Variants in NHS observed in about 807,000 individuals in gnomAD.
The protein encoded by NHS is actin remodeling regulator NHS.
A neutral mutation model predicts 72.5 loss-of-function variants in NHS; 5 were observed. The observed-to-expected ratio is 0.07, with a 90% CI of 0.04 to 0.14. The LOEUF is 0.14. Among genes scored for constraint, NHS ranks in the 10% least tolerant of loss-of-function variants. NHS has a pLI of 1.00. For missense variants in NHS, 1,072 were observed against 1,355.7 expected, an observed-to-expected ratio of 0.79 and a Z score of 3.29; for synonymous variants, 464 against 547.7, an observed-to-expected ratio of 0.85 and a Z score of 2.13.
intron 1 of NHS, among the ~76,000 whole-genome samples, chrX:17,474,765 C>G (rs1286516616): frequency 9.0e-6 from 1 of 111,585 alleles, no homozygotes; most frequent in African/African-American, 3.3e-5. Flanking sequence ...GCTGTGAGCC[C>G]TCAGAAGCCA....
chrX:17,597,124 T>G (rs1297191147), intron 1 of NHS, among the ~76,000 whole-genome samples: 4 of 101,427 alleles, frequency 3.9e-5, no homozygotes, highest in Non-Finnish European at 6.1e-5. Flanking sequence ...CCGTTTTTTT[T>G]TTTTTTTTTT....
At chrX:17,659,208 G>C (rs2065971271) in intron 1 of NHS, among the ~76,000 whole-genome samples, 1 of 111,976 alleles carries the variant, frequency 8.9e-6, no homozygotes. Context: ...CAAGGGGACT[G>C]GGAAATCTAG....
Position 17,556,533 on chromosome X carries a change from T to C in NHS, c.566-131209T>C, listed in dbSNP as rs184292696. 7.1e-5 allele frequency among the ~76,000 whole-genome samples: 8 copies of C among 113,093 alleles called. No individual in the cohort carries two copies. The East Asian group carries it at 2.2e-3, about 31-fold the overall frequency. ...TACTCACCATGTACCTGGCTGTATGTTCATCATCATATGAAATCCTTACTT... is the reference window on the plus strand; with the variant it reads ...TACTCACCATGTACCTGGCTGTATGCTCATCATCATATGAAATCCTTACTT... On this transcript the variant is annotated intron_variant, in intron 1 of 8. Transcript: ENST00000676302.
intron 1 of NHS, among the ~76,000 whole-genome samples, chrX:17,409,939 A>G (rs1309637417): frequency 8.9e-6 from 1 of 111,860 alleles, no homozygotes; most frequent in Non-Finnish European, 1.9e-5. Flanking sequence ...GAGAAATTTT[A>G]TGTACTTAAT....
chrX:17,549,794 G>T (rs2065321291), intron 1 of NHS, among the ~76,000 whole-genome samples: 1 of 111,409 alleles, frequency 9.0e-6, no homozygotes, highest in South Asian at 3.8e-4. Flanking sequence ...GGAGCAGGAA[G>T]AGGGATGGGG....
At chrX:17,431,753 G>A (rs2064695501) in intron 1 of NHS, among the ~76,000 whole-genome samples, 1 of 111,952 alleles carries the variant, frequency 8.9e-6, no homozygotes, top group South Asian at 3.7e-4. Flanking sequence ...GGATTTAATT[G>A]TAAAATGACA....
chrX:17,689,606 G>A (rs2066183769), intron 2 of NHS, among the ~76,000 whole-genome samples: 1 of 111,850 alleles, frequency 8.9e-6, no homozygotes, highest in Admixed American at 9.5e-5. Context: ...CAACTCAAGG[G>A]CAAGGATGAT....
chrX:17,615,216 G>GTATATATACACATATATATACGTA (rs1556018276), intron 1 of NHS, among the ~76,000 whole-genome samples: 16 of 86,354 alleles, frequency 1.9e-4, no homozygotes, highest in Non-Finnish European at 2.4e-4. Context: ...ATATATATAC[G>GTATATATACACATATATATACGTA]TATATATACA....
At chrX:17,546,064 CAG>C (rs1202415456) in intron 1 of NHS, among the ~76,000 whole-genome samples, 1 of 112,038 alleles carries the variant, frequency 8.9e-6, no homozygotes, top group African/African-American at 3.2e-5. Context: ...TAATACCCTG[CAG>C]AGCTGAGACC....
In NHS at chrX:17,573,947, G is replaced by C. The variant is rs769478215; in HGVS notation, c.566-113795G>C. ...CTAACAGACAGGCCTCTCAGCTGCA[G>C]GTCTGTTGGAGTTGGCTGGAGGTCC... On this transcript the variant is annotated intron_variant, in intron 1 of 8. Transcript: ENST00000676302. Among the ~76,000 whole-genome samples, 4 of 111,903 alleles carry C rather than the reference G, an allele frequency of 3.6e-5. No individual in the cohort carries two copies. In the South Asian group the frequency reaches 1.5e-3, roughly 42 times the overall value.
intron 3 of NHS, among the ~76,000 whole-genome samples, chrX:17,695,215 C>T (rs1026892500): frequency 4.5e-5 from 5 of 111,984 alleles, no homozygotes; most frequent in Non-Finnish European, 9.4e-5. Flanking sequence ...AGCAATTTTA[C>T]ATCTAGGAAT....
intron 1 of NHS, among the ~76,000 whole-genome samples, chrX:17,675,777 T>A (rs1045476269): frequency 5.3e-5 from 6 of 112,267 alleles, no homozygotes; most frequent in Non-Finnish European, 1.1e-4. Context: ...TACAAATACC[T>A]AGGCTTTTGG....
chrX:17,475,333 G>A (rs764390666), intron 1 of NHS, among the ~76,000 whole-genome samples: 2 of 112,355 alleles, frequency 1.8e-5, no homozygotes, highest in Non-Finnish European at 3.8e-5. Context: ...CTAGCCACAC[G>A]GAGAACGAAT....
intron 1 of NHS, among the ~76,000 whole-genome samples, chrX:17,412,596 T>C (rs1337256367): frequency 9.0e-6 from 1 of 111,318 alleles, no homozygotes; most frequent in African/African-American, 3.3e-5. Context: ...AGACCCTGTC[T>C]TAAGAAGAAA....
intron 3 of NHS, among the ~76,000 whole-genome samples, chrX:17,717,209 C>T (rs1001582708): frequency 1.8e-5 from 2 of 112,193 alleles, no homozygotes; most frequent in African/African-American, 3.2e-5. Flanking sequence ...TCAAGTGATC[C>T]GCCTGCCTTG....
At chrX:17,400,324 A>G (rs369049738) in intron 1 of NHS, among the ~76,000 whole-genome samples, 2 of 112,302 alleles carry the variant, frequency 1.8e-5, no homozygotes, top group East Asian at 5.6e-4. Flanking sequence ...GTGGTGGCTC[A>G]TGCCTGTAAT....
chrX:17,593,284 A>T (rs2065611175), intron 1 of NHS, among the ~76,000 whole-genome samples: 1 of 111,348 alleles, frequency 9.0e-6, no homozygotes, highest in Non-Finnish European at 1.9e-5. Flanking sequence ...ATTAACATAT[A>T]TGTCAAGCAC....
intron 2 of NHS, among the ~76,000 whole-genome samples, chrX:17,689,244 A>AAG (rs1385951989): frequency 9.0e-6 from 1 of 110,998 alleles, no homozygotes; most frequent in African/African-American, 3.3e-5. Flanking sequence ...CTTTTAATGA[A>AAG]AGAGCTAACC....
At chrX:17,474,153 G>T (rs894511086) in intron 1 of NHS, among the ~76,000 whole-genome samples, 2 of 111,211 alleles carry the variant, frequency 1.8e-5, no homozygotes, top group African/African-American at 6.5e-5. Context: ...TGCCACATTT[G>T]GTGGATAAGG....
Sources: allele counts gnomAD v4.1 joint callset (sites outside exome capture counted in the v4.1 genomes callset), GRCh38; gene constraint gnomAD v4.1.1; transcripts MANE v1.5; gene names NCBI Gene and HGNC (gene_info 2026-07-23, HGNC 2026-07-21).